Variants in PTBP2 observed in about 807,000 individuals in gnomAD.
The protein encoded by PTBP2 is polypyrimidine tract binding protein 2.
In PTBP2, 13 loss-of-function variants were observed where a neutral mutation model predicts 61.4. That is an observed-to-expected ratio of 0.21 (90% CI 0.14 to 0.34). The LOEUF is 0.34. PTBP2 is among the 10% of genes least tolerant of loss of function. PTBP2 has a pLI of 1.00. For synonymous variants in PTBP2, 215 were observed against 218.5 expected (o/e 0.98, Z 0.14); for missense variants, 405 against 642.6 (o/e 0.63, Z 4.00).
intron 3 of PTBP2, among the ~76,000 whole-genome samples, chr1:96,752,654 C>T (rs962115477): frequency 2.0e-5 from 3 of 151,944 alleles, no homozygotes; most frequent in African/African-American, 7.3e-5. Context: ...TCTGGTTTGT[C>T]GGTTTCTCTT....
downstream of PTBP2, chr1:96,815,237 T>C (rs1257844687): frequency 5.9e-5 from 9 of 151,986 alleles, no homozygotes; most frequent in East Asian, 1.7e-3. Context: ...TAATAGATCT[T>C]TTGGATTTGC....
At chr1:96,791,982 C>T (rs953803915) in intron 8 of PTBP2, among the ~76,000 whole-genome samples, 12 of 151,644 alleles carry the variant, frequency 7.9e-5, no homozygotes, top group Admixed American at 5.9e-4. Context: ...TACAGGCGCA[C>T]GCCACCACGC....
exon 14 of PTBP2, chr1:96,821,026 A>T (rs1252472093): frequency 6.6e-6 from 1 of 152,190 alleles, no homozygotes; most frequent in Non-Finnish European, 1.5e-5. Flanking sequence ...ACCATTTACC[A>T]ATGGTAGCTT....
At chr1:96,745,788 C>G (rs936878796) in intron 2 of PTBP2, among the ~76,000 whole-genome samples, 2 of 151,790 alleles carry the variant, frequency 1.3e-5, no homozygotes, top group South Asian at 4.2e-4. Context: ...TGACTTAGGC[C>G]GGGCGTGGTG....
chr1:96,739,254 CTTG>C, intron 2 of PTBP2, among the ~76,000 whole-genome samples: 1 of 152,056 alleles, frequency 6.6e-6, no homozygotes, highest in East Asian at 1.9e-4. Flanking sequence ...CTGATATTTT[CTTG>C]TTTCTTTAAA....
chr1:96,816,184 G>C (rs72976470), downstream of PTBP2: 6,835 of 152,170 alleles, frequency 0.045, 483 homozygotes, highest in African/African-American at 0.15. Context: ...ATTCTATACT[G>C]TCTTACAGTA....
At chr1:96,804,093 A>G (rs937803777) in intron 8 of PTBP2, among the ~76,000 whole-genome samples, 2 of 152,206 alleles carry the variant, frequency 1.3e-5, no homozygotes, top group Non-Finnish European at 2.9e-5. Flanking sequence ...ATAAGAAGGA[A>G]ATGATAACAT....
chr1:96,774,942 G>A (rs745674599), intron 5 of PTBP2, among the ~76,000 whole-genome samples: 7 of 152,100 alleles, frequency 4.6e-5, no homozygotes, highest in Non-Finnish European at 1.0e-4. Flanking sequence ...GATGTCAGTC[G>A]TTTGCTGCCA....
chr1:96,787,544 A>G (rs1263122923), intron 8 of PTBP2, among the ~76,000 whole-genome samples: 2 of 152,172 alleles, frequency 1.3e-5, no homozygotes, highest in Admixed American at 1.3e-4. Flanking sequence ...ATGTTTTTGC[A>G]TCTTGTTATA....
At chr1:96,778,379 T>G (rs1440279717) in intron 7 of PTBP2, among the ~76,000 whole-genome samples, 3 of 109,124 alleles carry the variant, frequency 2.7e-5, no homozygotes, top group African/African-American at 1.1e-4. Context: ...TATATTCTCT[T>G]TAATGTCTTT....
intron 2 of PTBP2, among the ~76,000 whole-genome samples, chr1:96,729,838 G>A (rs946235414): frequency 1.3e-5 from 2 of 149,418 alleles, no homozygotes; most frequent in African/African-American, 2.5e-5. Flanking sequence ...CCGGGTTCAC[G>A]CGGTTCTCCT....
At chr1:96,806,505 CT>C in intron 10 of PTBP2, 53 bp downstream of exon 10, 2 of 1,535,086 alleles carry the variant, frequency 1.3e-6, no homozygotes, top group Non-Finnish European at 1.8e-6. Context: ...TTTGTTTCAC[CT>C]TAATTCTTAT....
At chr1:96,772,751 C>G (rs908892973) in intron 5 of PTBP2, among the ~76,000 whole-genome samples, 1 of 152,002 alleles carries the variant, frequency 6.6e-6, no homozygotes, top group Non-Finnish European at 1.5e-5. Context: ...ATTTCTAGTT[C>G]GTTATTATTT....
chr1:96,723,650 G>A (rs1041036979), intron 2 of PTBP2, 56 bp downstream of exon 2: 34 of 1,470,220 alleles, frequency 2.3e-5, no homozygotes, highest in Non-Finnish European at 7.4e-6. Flanking sequence ...CATAATTACT[G>A]GAAAATTTTA....
intron 9 of PTBP2, among the ~76,000 whole-genome samples, chr1:96,805,427 C>T (rs574003447): frequency 2.6e-5 from 4 of 151,928 alleles, no homozygotes; most frequent in African/African-American, 4.8e-5. Flanking sequence ...GCACTCTTCC[C>T]GTCTTTCTTA....
At chr1:96,773,535 G>A (rs1229040694) in intron 5 of PTBP2, among the ~76,000 whole-genome samples, 3 of 151,684 alleles carry the variant, frequency 2.0e-5, no homozygotes, top group East Asian at 1.9e-4. Flanking sequence ...TTGTCTTTTC[G>A]TGTTTCAGAA....
At chr1:96,811,544 G>A (rs1011965708) in intron 11 of PTBP2, among the ~76,000 whole-genome samples, 10 of 152,054 alleles carry the variant, frequency 6.6e-5, no homozygotes, top group African/African-American at 2.2e-4. Flanking sequence ...AGCCTCCTGA[G>A]TAACTGGGAC....
At chr1:96,734,021 GCATACTA>G (rs1283813787) in intron 2 of PTBP2, among the ~76,000 whole-genome samples, 4 of 152,060 alleles carry the variant, frequency 2.6e-5, no homozygotes, top group African/African-American at 9.7e-5. Flanking sequence ...TTAGTTCTAG[GCATACTA>G]CATTAGGGGA....
intron 7 of PTBP2, among the ~76,000 whole-genome samples, chr1:96,778,404 A>G (rs1001344865): frequency 1.3e-5 from 2 of 151,382 alleles, no homozygotes; most frequent in East Asian, 1.9e-4. Flanking sequence ...TAAAGGTTTT[A>G]TGAATAGGTT....
Sources: gnomAD v4.1 joint callset for allele counts (sites outside exome capture counted in the v4.1 genomes callset) on GRCh38, gnomAD v4.1.1 for gene constraint, MANE v1.5 for transcripts, NCBI Gene and HGNC (gene_info 2026-07-23, HGNC 2026-07-21) for gene names.